NR2E1: variants seen among roughly 807,000 people sequenced by gnomAD.
NR2E1 encodes the protein nuclear receptor TLX.
NR2E1 carries 5 observed loss-of-function variants against 43.6 expected under a neutral mutation model. That is an observed-to-expected ratio of 0.11 (90% CI 0.06 to 0.24). NR2E1 has a LOEUF of 0.24. NR2E1 is among the 10% of genes least tolerant of loss of function. The pLI, the probability that NR2E1 is intolerant of heterozygous loss-of-function variation, is 1.00. For missense variants in NR2E1, 287 were observed against 496.7 expected (o/e 0.58, Z 4.01); for synonymous variants, 191 against 195.5 (o/e 0.98, Z 0.19).
intron 5 of NR2E1, among the ~76,000 whole-genome samples, chr6:108,178,626 G>GT (rs1170871965): frequency 6.6e-6 from 1 of 152,194 alleles, no homozygotes; most frequent in Non-Finnish European, 1.5e-5. Flanking sequence ...GTAGAAGGTG[G>GT]TAAGAGTATG....
In NR2E1 at chr6:108,178,386, C is replaced by T. The variant is rs1773934298; in HGVS notation, c.642+145C>T. ...GCAGTGAGGAAACTACTTGTTTTTA[C>T]TTGCTTCTTCCTGTGGGTTCAAAAT... On this transcript the variant is annotated intron_variant, in intron 5 of 8. Coordinates refer to ENST00000368986, the MANE Select transcript of NR2E1 (RefSeq NM_003269.5). 3 of 807,128 alleles carry T rather than the reference C, an allele frequency of 3.7e-6. No individual in the cohort carries two copies. The African/African-American group carries it at 5.1e-5, about 14-fold the overall frequency. 50.0% of individuals were successfully genotyped at this position (807,128 alleles called of 1,614,324 possible).
intron 1 of NR2E1, among the ~76,000 whole-genome samples, chr6:108,167,504 C>G (rs563924721): frequency 2.6e-5 from 4 of 152,272 alleles, no homozygotes; most frequent in African/African-American, 4.8e-5. Context: ...CAGCTGACCT[C>G]TCACCACCCC....
At chr6:108,174,669 C>T (rs943955604) in intron 2 of NR2E1, among the ~76,000 whole-genome samples, 167 bp from the exon 3 acceptor site, 2 of 152,168 alleles carry the variant, frequency 1.3e-5, no homozygotes, top group African/African-American at 4.8e-5. Flanking sequence ...CTCGATCTGG[C>T]CCTGCTCATG....
intron 3 of NR2E1, 148 bp downstream of exon 3, chr6:108,175,071 T>A (rs929895499): frequency 5.3e-6 from 4 of 755,120 alleles, no homozygotes; most frequent in Non-Finnish European, 9.1e-6. Context: ...TTCAGTCGTA[T>A]CCTTCCCGTC....
chr6:108,168,444 C>G (rs556927631), intron 1 of NR2E1, among the ~76,000 whole-genome samples: 3 of 152,226 alleles, frequency 2.0e-5, no homozygotes, highest in Non-Finnish European at 4.4e-5. Context: ...GGGAGCTCTG[C>G]CCGCCTGCGG....
At chr6:108,179,279 A>G (rs1294333320) in intron 5 of NR2E1, 1 of 152,154 alleles carries the variant, frequency 6.6e-6, no homozygotes, top group Non-Finnish European at 1.5e-5. Context: ...CCTGTACTTG[A>G]TGGAATAAAA....
At position 108,176,579 on chromosome 6, in the gene NR2E1, G is replaced by A. The variant is rs148180359; in HGVS notation, c.336G>A (p.Glu112=). The change falls in exon 4 of 9, where the codon GAG becomes GAA. Residue 112 remains glutamate (E), a synonymous_variant. Coordinates refer to ENST00000368986, the MANE Select transcript of NR2E1 (RefSeq NM_003269.5). ...QVALYFRGHK[E]ENGAAAHFPS... is the part of the protein sequence containing the mutation. ...CCCTCTACTTCCGTGGACACAAGGA[G>A]GAGAACGGGGCCGCCGCGCACTTTC... is the stretch of plus-strand genomic sequence containing the variant. 30 of 1,612,950 alleles carry A rather than the reference G, an allele frequency of 1.9e-5. 1 individual carries two copies. Among genetic ancestry groups the A allele is most frequent in the Middle Eastern group, 3.3e-4 (2 of 6,080 alleles).
Position 108,187,544 on chromosome 6 carries a change from C to T in NR2E1, c.*81C>T. The T allele has an allele frequency of 1.4e-6, 2 of 1,470,052 alleles. No individual in the cohort carries two copies. The highest frequency in any genetic ancestry group is 1.9e-6 in the Non-Finnish European group (2 of 1,053,628). 91.1% of individuals were successfully genotyped at this position (1,470,052 alleles called of 1,614,324 possible). A position where few individuals can be genotyped will look rare whatever the true frequency, so the allele number is the denominator to read the frequency against. Reference sequence around the variant, plus strand: ...TGGAGAACAAGCCTCAACTAACAAACCCTTCAGGAAGCATATACCGGGGAA... The same window carrying T: ...TGGAGAACAAGCCTCAACTAACAAATCCTTCAGGAAGCATATACCGGGGAA... On this transcript the variant is annotated 3_prime_UTR_variant, in exon 9 of 9. Coordinates refer to ENST00000368986, the MANE Select transcript of NR2E1 (RefSeq NM_003269.5).
intron 2 of NR2E1, among the ~76,000 whole-genome samples, chr6:108,172,362 C>T (rs530419133): frequency 3.9e-5 from 6 of 152,166 alleles, no homozygotes; most frequent in Non-Finnish European, 7.4e-5. Context: ...TGGGCCCAGT[C>T]GGTTGTTTTG....
chr6:108,170,387 G>T (rs1773791214), intron 1 of NR2E1, among the ~76,000 whole-genome samples: 1 of 152,150 alleles, frequency 6.6e-6, no homozygotes, highest in Admixed American at 6.5e-5. Context: ...GCATTTCTAA[G>T]TCCCTATAAA....
intron 1 of NR2E1, chr6:108,168,174 T>C (rs778928525): frequency 6.4e-7 from 1 of 1,571,338 alleles, no homozygotes; most frequent in Admixed American, 1.9e-5. Context: ...TAAAGCGACC[T>C]CGATTTTTGT....
chr6:108,167,394 C>G (rs968151964), intron 1 of NR2E1, among the ~76,000 whole-genome samples: 4 of 152,210 alleles, frequency 2.6e-5, no homozygotes, highest in Non-Finnish European at 5.9e-5. Flanking sequence ...ACTTTTCGAG[C>G]CGGAGCCCAG....
intron 1 of NR2E1, chr6:108,168,038 TG>T (rs946333066): frequency 3.8e-6 from 6 of 1,598,568 alleles, no homozygotes; most frequent in South Asian, 1.1e-5. Context: ...TGTTTCGAGC[TG>T]GGGCAGAGGG....
intron 2 of NR2E1, 81 bp from the exon 3 acceptor site, chr6:108,174,755 C>A: frequency 2.4e-6 from 3 of 1,258,580 alleles, no homozygotes; most frequent in Non-Finnish European, 3.5e-6. Flanking sequence ...CGCCTCCACA[C>A]CGTTTCCCCG....
intron 3 of NR2E1, 121 bp from the exon 4 acceptor site, chr6:108,176,382 A>G: frequency 1.2e-6 from 1 of 849,364 alleles, no homozygotes; most frequent in East Asian, 2.7e-5. Context: ...TCTTCTTTTC[A>G]CCTCTTGGGC....
At chr6:108,176,153 T>A (rs1172980875) in intron 3 of NR2E1, 1 of 306,418 alleles carries the variant, frequency 3.3e-6, no homozygotes, top group Non-Finnish European at 6.1e-6. Flanking sequence ...GATACCTGGC[T>A]ACTCCAGCCC....
chr6:108,178,023 T>C, intron 4 of NR2E1, 72 bp from the exon 5 acceptor site: 1 of 1,532,802 alleles, frequency 6.5e-7, no homozygotes, highest in Non-Finnish European at 9.0e-7. Flanking sequence ...TAATTAGAAA[T>C]TAAAAGTTTG....
chr6:108,187,452 A>G lies in NR2E1; in HGVS notation c.1147A>G (p.Ser383Gly), dbSNP rs1774093386. The G allele has an allele frequency of 6.2e-7, 1 of 1,614,212 alleles. No homozygotes were observed. The highest frequency in any genetic ancestry group is 2.2e-5 in the East Asian group (1 of 44,888). ...ACTGCTTTCAGATATGTACAAATCC[A>G]GTGATATCTAAGCTCACAAGATACC... ...TRLLSDMYKS[S>G]DI The change falls in exon 9 of 9, where the codon AGT (serine) becomes GGT (glycine). Residue 383 changes from serine to glycine, a missense_variant. Ser to Gly is a moderately conservative substitution (Grantham distance 56). This residue lies in a region of NR2E1 where 119 missense variants were observed against 187.0 expected (regional missense o/e 0.64). Coordinates refer to ENST00000368986, the MANE Select transcript of NR2E1 (RefSeq NM_003269.5).
At chr6:108,174,805 G>T (rs1773869977) in intron 2 of NR2E1, 31 bp from the exon 3 acceptor site, 2 of 1,600,384 alleles carry the variant, frequency 1.2e-6, no homozygotes, top group African/African-American at 1.3e-5. Flanking sequence ...AAAGGCCCTG[G>T]GGACCGCTGA....
Sources: gnomAD v4.1 joint callset for allele counts (sites outside exome capture counted in the v4.1 genomes callset) on GRCh38, gnomAD v4.1.1 for gene constraint, gnomAD v4.1.1 regional missense constraint, MANE v1.5 for transcripts, NCBI Gene and HGNC (gene_info 2026-07-23, HGNC 2026-07-21) for gene names.